Variants in STK32B observed in about 807,000 individuals in gnomAD.
STK32B encodes serine/threonine kinase 32B, also known as serine/threonine-protein kinase 32B.
In STK32B, 43 loss-of-function variants were observed where a neutral mutation model predicts 52.6. The observed-to-expected ratio is 0.82, with a 90% confidence interval of 0.64 to 1.05. The LOEUF is 1.05. Ranked by LOEUF, STK32B falls within the 50% of genes least tolerant of loss-of-function variation. STK32B has a pLI of 0.00. For synonymous variants in STK32B, 238 were observed against 204.3 expected (o/e 1.17, Z -1.41); for missense variants, 621 against 534.6 (o/e 1.16, Z -1.59).
chr4:5,019,992 A>C, the STK32B span, among the ~76,000 whole-genome samples: 1 of 152,064 alleles, frequency 6.6e-6, no homozygotes, highest in African/African-American at 2.4e-5. Flanking sequence ...TCAATCGCTA[A>C]CCAGGTAGGT....
chr4:5,239,223 G>A (rs1724833266), intron 3 of STK32B, among the ~76,000 whole-genome samples: 1 of 151,938 alleles, frequency 6.6e-6, no homozygotes, highest in South Asian at 2.1e-4. Flanking sequence ...TTTCATTCTG[G>A]GAGGCCACTG....
intron 3 of STK32B, among the ~76,000 whole-genome samples, chr4:5,169,112 C>T (rs1232956752): frequency 6.6e-6 from 1 of 152,182 alleles, no homozygotes; most frequent in East Asian, 1.9e-4. Flanking sequence ...TTAGGAAACC[C>T]TTAGGTCAAG....
chr4:5,092,269 C>T (rs540402955), intron 1 of STK32B, among the ~76,000 whole-genome samples: 205 of 152,324 alleles, frequency 1.3e-3, no homozygotes, highest in African/African-American at 4.5e-3. Context: ...CAGTGGCTCG[C>T]GCCTGTAATC....
At chr4:5,199,478 G>T (rs1721953033) in intron 3 of STK32B, among the ~76,000 whole-genome samples, 2 of 151,146 alleles carry the variant, frequency 1.3e-5, no homozygotes, top group Admixed American at 6.6e-5. Context: ...TTATAAATCA[G>T]CTTTGTGAAT....
intron 5 of STK32B, among the ~76,000 whole-genome samples, chr4:5,401,218 G>A (rs1434028505): frequency 1.3e-5 from 2 of 152,176 alleles, no homozygotes; most frequent in Admixed American, 6.5e-5. Context: ...AGGACAGTAT[G>A]TGTTCCTAAA....
Position 5,194,898 on chromosome 4 carries a change from A to G in STK32B, c.260+26448A>G, listed in dbSNP as rs144833261. 9.7e-4 allele frequency among the ~76,000 whole-genome samples: 147 copies of G among 152,296 alleles called. 1 individual carries two copies. Among genetic ancestry groups the G allele is most frequent in the African/African-American group, 3.3e-3 (137 of 41,570 alleles). ...TTTCATGAAAACTCATTCACTCACTATCACAAGGACAGCATCTAGGGGTGG... is the reference window on the plus strand; with the variant it reads ...TTTCATGAAAACTCATTCACTCACTGTCACAAGGACAGCATCTAGGGGTGG... On this transcript the variant is annotated intron_variant, in intron 3 of 11. Transcript: ENST00000282908.
At chr4:5,186,007 C>T (rs535626468) in intron 3 of STK32B, among the ~76,000 whole-genome samples, 34 of 152,306 alleles carry the variant, frequency 2.2e-4, no homozygotes, top group South Asian at 8.3e-4. Context: ...CCTGGAACAC[C>T]GTCTGTTCTT....
intron 3 of STK32B, among the ~76,000 whole-genome samples, chr4:5,281,878 T>C (rs1424978822): frequency 6.6e-6 from 1 of 152,230 alleles, no homozygotes; most frequent in African/African-American, 2.4e-5. Flanking sequence ...TTTAATTACA[T>C]TTACAAATCA....
chr4:5,138,341 C>T (rs929967626), intron 1 of STK32B, among the ~76,000 whole-genome samples: 1 of 152,182 alleles, frequency 6.6e-6, no homozygotes, highest in African/African-American at 2.4e-5. Flanking sequence ...TCATTTACTT[C>T]CTCACATCCT....
chr4:5,150,287 T>C (rs1717240614), intron 2 of STK32B, among the ~76,000 whole-genome samples: 2 of 152,176 alleles, frequency 1.3e-5, no homozygotes, highest in South Asian at 4.1e-4. Context: ...TTTTATATCA[T>C]GTAGCATAGT....
chr4:5,036,067 C>T, the STK32B span, among the ~76,000 whole-genome samples: 1 of 152,064 alleles, frequency 6.6e-6, no homozygotes, highest in East Asian at 1.9e-4. Flanking sequence ...CAGGCGTGAG[C>T]CATCGTGCCT....
chr4:5,345,987 G>A (rs1733433507), intron 4 of STK32B, among the ~76,000 whole-genome samples: 1 of 152,138 alleles, frequency 6.6e-6, no homozygotes, highest in Non-Finnish European at 1.5e-5. Context: ...GAACTGATGG[G>A]AATATCATTT....
At chr4:5,028,952 G>A in the STK32B span, among the ~76,000 whole-genome samples, 10 of 152,190 alleles carry the variant, frequency 6.6e-5, no homozygotes, top group Non-Finnish European at 1.5e-4. Flanking sequence ...GGAGCACATC[G>A]CATGGCCGGA....
At chr4:5,059,489 T>G (rs1742137586) in intron 1 of STK32B, among the ~76,000 whole-genome samples, 1 of 152,212 alleles carries the variant, frequency 6.6e-6, no homozygotes, top group African/African-American at 2.4e-5. Context: ...CTTCTTTTTG[T>G]GATCAGACAA....
chr4:5,180,627 C>T (rs1720280951), intron 3 of STK32B, among the ~76,000 whole-genome samples: 1 of 152,158 alleles, frequency 6.6e-6, no homozygotes, highest in Admixed American at 6.5e-5. Context: ...GAAGAGGACA[C>T]AGTGTGGAAT....
At chr4:5,299,931 T>C in intron 3 of STK32B, among the ~76,000 whole-genome samples, 1 of 152,100 alleles carries the variant, frequency 6.6e-6, no homozygotes, top group East Asian at 1.9e-4. Context: ...CCTGACCAAC[T>C]CATTCTATGA....
chr4:5,303,890 T>C (rs1464842464), intron 3 of STK32B, among the ~76,000 whole-genome samples: 1 of 146,820 alleles, frequency 6.8e-6, no homozygotes, highest in Non-Finnish European at 1.5e-5. Context: ...TTGCATTCTT[T>C]TACATGGACT....
intron 1 of STK32B, among the ~76,000 whole-genome samples, chr4:5,062,320 T>C (rs1742245767): frequency 6.6e-6 from 1 of 152,194 alleles, no homozygotes; most frequent in African/African-American, 2.4e-5. Flanking sequence ...GCTTTTTGTT[T>C]CTGAAGGCAT....
At chr4:5,424,112 C>T (rs1305440399) in intron 6 of STK32B, among the ~76,000 whole-genome samples, 2 of 152,112 alleles carry the variant, frequency 1.3e-5, no homozygotes, top group African/African-American at 4.8e-5. Flanking sequence ...GGGTACATAC[C>T]AGCCAGGTAT....
Sources: gnomAD v4.1 joint callset for allele counts (sites outside exome capture counted in the v4.1 genomes callset) on GRCh38, gnomAD v4.1.1 for gene constraint, MANE v1.5 for transcripts, NCBI Gene and HGNC (gene_info 2026-07-23, HGNC 2026-07-21) for gene names.